Variants in TAFA1 observed in about 807,000 individuals in gnomAD.
The protein encoded by TAFA1 is TAFA chemokine like family member 1.
Under a neutral mutation model 18.5 loss-of-function variants are expected in TAFA1, and 4 were observed. The ratio of observed to expected loss-of-function variants is 0.22; its 90% CI spans 0.11 to 0.49. The LOEUF (loss-of-function observed/expected upper bound fraction) is 0.49, where lower values mean the gene tolerates loss of function less well. Ranked by LOEUF, TAFA1 falls within the 20% of genes least tolerant of loss-of-function variation. The pLI, the probability that TAFA1 is intolerant of heterozygous loss-of-function variation, is 0.98. For missense variants in TAFA1, 147 were observed against 169.0 expected, an observed-to-expected ratio of 0.87 and a Z score of 0.72; for synonymous variants, 56 against 55.2, an observed-to-expected ratio of 1.01 and a Z score of -0.06.
At chr3:68,063,616 TG>T (rs1455427242) in intron 2 of TAFA1, among the ~76,000 whole-genome samples, 1 of 152,180 alleles carries the variant, frequency 6.6e-6, no homozygotes, top group African/African-American at 2.4e-5. Context: ...ACTGTTGAAA[TG>T]CAGATGGCTT....
rs551275618 is a variant in TAFA1 at position 68,520,155 on chromosome 3, T to C, written c.260-18601T>C. On this transcript the variant is annotated intron_variant, in intron 3 of 4. Coordinates refer to ENST00000478136, the MANE Select transcript of TAFA1 (RefSeq NM_213609.4). Reference sequence around the variant, plus strand: ...ATGAAAATGGTTTTTGAGCTTGGCATTTGGGCTAGAGCCAACTTGAAAATT... The same window carrying C: ...ATGAAAATGGTTTTTGAGCTTGGCACTTGGGCTAGAGCCAACTTGAAAATT... Among the ~76,000 whole-genome samples the C allele has an allele frequency of 9.5e-4, 144 of 152,288 alleles. 1 individual carries two copies. The highest frequency in any genetic ancestry group is 3.4e-3 in the African/African-American group (142 of 41,572).
At chr3:68,456,260 TA>T (rs1304264787) in intron 3 of TAFA1, among the ~76,000 whole-genome samples, 1 of 152,132 alleles carries the variant, frequency 6.6e-6, no homozygotes, top group Non-Finnish European at 1.5e-5. Context: ...GCAATCTTGA[TA>T]AAAACCCAAC....
At chr3:68,192,559 A>C (rs1374013309) in intron 2 of TAFA1, 2 of 157,388 alleles carry the variant, frequency 1.3e-5, no homozygotes, top group African/African-American at 4.8e-5. Context: ...TTCACAAACA[A>C]AACCTAAAAA....
chr3:68,084,623 C>A (rs1366853290), intron 2 of TAFA1, among the ~76,000 whole-genome samples: 1 of 152,036 alleles, frequency 6.6e-6, no homozygotes, highest in East Asian at 1.9e-4. Flanking sequence ...CATGGTGAAA[C>A]CCCATCTCTA....
chr3:68,066,760 A>G (rs536426941), intron 2 of TAFA1, among the ~76,000 whole-genome samples: 1 of 152,298 alleles, frequency 6.6e-6, no homozygotes, highest in South Asian at 2.1e-4. Flanking sequence ...AGGCATCAAG[A>G]GGCAACAAAA....
intron 2 of TAFA1, among the ~76,000 whole-genome samples, chr3:68,087,940 C>T (rs952525222): frequency 1.3e-5 from 2 of 151,974 alleles, no homozygotes; most frequent in Admixed American, 6.6e-5. Flanking sequence ...ATTTATTGAG[C>T]TGATACTGTG....
chr3:68,358,441 A>G (rs180769637), intron 2 of TAFA1, among the ~76,000 whole-genome samples: 1 of 152,048 alleles, frequency 6.6e-6, no homozygotes, highest in Non-Finnish European at 1.5e-5. Context: ...GTTTTCATCT[A>G]ACAGGCAGGG....
chr3:68,341,935 C>A (rs1206076111), intron 2 of TAFA1, among the ~76,000 whole-genome samples: 1 of 152,126 alleles, frequency 6.6e-6, no homozygotes, highest in Non-Finnish European at 1.5e-5. Flanking sequence ...CCTTGAGTAC[C>A]AAGGTGGTTT....
intron 2 of TAFA1, among the ~76,000 whole-genome samples, chr3:68,320,949 C>A (rs766339419): frequency 8.5e-5 from 13 of 152,098 alleles, no homozygotes; most frequent in Non-Finnish European, 1.9e-4. Flanking sequence ...ATGGTCTAGC[C>A]CTAATATCTC....
In TAFA1 at chr3:68,004,447, A is replaced by T. The variant is rs1302420603; in HGVS notation, c.-259A>T. The T allele has an allele frequency of 6.6e-6, 1 of 152,188 alleles. No individual in the cohort carries two copies. The highest frequency in any genetic ancestry group is 1.5e-5 in the Non-Finnish European group (1 of 68,034). The allele number at this position is 152,188 out of a possible 1,614,324, so 9.4% of individuals were successfully genotyped here. ...GCCAGGAGATGATTTAAAGGTGAAA[A>T]TGACAAGGTTTCCACCCCTCAAACC... is the stretch of plus-strand genomic sequence containing the variant. On this transcript the variant is annotated 5_prime_UTR_variant, in exon 1 of 5. The change abolishes an upstream ATG in the 5' untranslated region. Coordinates refer to ENST00000478136, the MANE Select transcript of TAFA1 (RefSeq NM_213609.4).
intron 2 of TAFA1, among the ~76,000 whole-genome samples, chr3:68,134,401 T>G (rs1169735995): frequency 1.3e-5 from 2 of 152,158 alleles, no homozygotes; most frequent in African/African-American, 2.4e-5. Flanking sequence ...CACGTACATA[T>G]GGTTGTTTCT....
chr3:68,153,868 A>T (rs995535384), intron 2 of TAFA1, among the ~76,000 whole-genome samples: 1 of 152,148 alleles, frequency 6.6e-6, no homozygotes, highest in Non-Finnish European at 1.5e-5. Flanking sequence ...TTCAGTTTTT[A>T]TAATAAGAAA....
intron 2 of TAFA1, among the ~76,000 whole-genome samples, chr3:68,068,402 G>A (rs574477094): frequency 9.9e-5 from 15 of 152,226 alleles, no homozygotes; most frequent in African/African-American, 3.1e-4. Flanking sequence ...GATTTCTCTT[G>A]TTTATATTAG....
At chr3:68,174,379 G>T (rs1019888217) in intron 2 of TAFA1, among the ~76,000 whole-genome samples, 2 of 152,176 alleles carry the variant, frequency 1.3e-5, no homozygotes, top group Non-Finnish European at 2.9e-5. Context: ...CAAGAAGACA[G>T]AAAAATGTGG....
At chr3:68,175,861 C>T (rs540676259) in intron 2 of TAFA1, among the ~76,000 whole-genome samples, 43 of 152,156 alleles carry the variant, frequency 2.8e-4, no homozygotes, top group African/African-American at 8.9e-4. Flanking sequence ...TGTCCCCACC[C>T]GAGTATCATC....
intron 2 of TAFA1, among the ~76,000 whole-genome samples, chr3:68,285,777 A>T (rs1313880390): frequency 1.3e-5 from 2 of 152,210 alleles, no homozygotes; most frequent in Admixed American, 6.5e-5. Flanking sequence ...ATTGTCACTA[A>T]GGGTGAAATG....
intron 2 of TAFA1, among the ~76,000 whole-genome samples, chr3:68,089,645 A>T (rs1358286948): frequency 6.6e-6 from 1 of 152,076 alleles, no homozygotes; most frequent in Non-Finnish European, 1.5e-5. Flanking sequence ...ATCATGGTTG[A>T]CTCTGCCAAC....
intron 2 of TAFA1, among the ~76,000 whole-genome samples, chr3:68,303,641 G>C (rs757610705): frequency 6.6e-6 from 1 of 151,968 alleles, no homozygotes; most frequent in Non-Finnish European, 1.5e-5. Flanking sequence ...AGTAGAGACG[G>C]GGTTTCACTG....
Position 68,521,856 on chromosome 3 carries a change from G to GTTTTTTTTTTTT in TAFA1, c.260-16891_260-16880dup, listed in dbSNP as rs57372768. On this transcript the variant is annotated intron_variant, in intron 3 of 4. Transcript: ENST00000478136. ...TCTGGGTTTTTCTGTGTTTTTTTCT[G>GTTTTTTTTTTTT]TTTTTTTTTTTTTTTTTTTTGGAGA... 6.5e-4 allele frequency among the ~76,000 whole-genome samples: 46 copies of GTTTTTTTTTTTT among 70,856 alleles called. 3 individuals carry two copies. The highest frequency in any genetic ancestry group is 1.5e-3 in the South Asian group (2 of 1,330). The allele number at this position is 70,856 out of a possible 152,430, so 46.5% of individuals were successfully genotyped here. A position where few individuals can be genotyped will look rare whatever the true frequency, so the allele number is the denominator to read the frequency against.
Sources: allele counts gnomAD v4.1 joint callset (sites outside exome capture counted in the v4.1 genomes callset), GRCh38; gene constraint gnomAD v4.1.1; transcripts MANE v1.5; gene names NCBI Gene and HGNC (gene_info 2026-07-23, HGNC 2026-07-21).